Variants in LSS observed in about 807,000 individuals in gnomAD.
LSS encodes the protein 2,3-epoxysqualene-lanosterol cyclase.
A neutral mutation model predicts 110.3 loss-of-function variants in LSS; 90 were observed. The observed-to-expected ratio is 0.82, with a 90% confidence interval of 0.69 to 0.97. LSS has a LOEUF of 0.97. Among genes scored for constraint, LSS ranks in the 50% least tolerant of loss-of-function variants. The pLI, the probability that LSS is intolerant of heterozygous loss-of-function variation, is 0.00. For synonymous variants in LSS, 433 were observed against 400.0 expected, an observed-to-expected ratio of 1.08 and a Z score of -0.98; for missense variants, 927 against 990.0, an observed-to-expected ratio of 0.94 and a Z score of 0.85.
intron 11 of LSS, among the ~76,000 whole-genome samples, chr21:46,212,534 T>C (rs973938787): frequency 6.6e-6 from 1 of 152,202 alleles, no homozygotes; most frequent in Non-Finnish European, 1.5e-5. Flanking sequence ...CCTCTCCTTG[T>C]GCTTGGTGCC....
intron 4 of LSS, 28 bp downstream of exon 4, chr21:46,222,602 G>T (rs1317719129): frequency 1.3e-6 from 2 of 1,581,424 alleles, no homozygotes; most frequent in East Asian, 4.5e-5. Context: ...ATGCACATGT[G>T]CAGTGACACA....
intron 10 of LSS, among the ~76,000 whole-genome samples, chr21:46,213,388 C>T (rs889205877): frequency 6.6e-6 from 1 of 152,224 alleles, no homozygotes; most frequent in African/African-American, 2.4e-5. Flanking sequence ...CACCATGGGA[C>T]GGCTCTCTGC....
At chr21:46,214,585 T>C (rs4239841) in intron 9 of LSS, among the ~76,000 whole-genome samples, 151,993 of 152,272 alleles carry the variant, frequency 1, 75,858 homozygotes, top group Middle Eastern at 1. Flanking sequence ...CGCACAGCTA[T>C]GGCAGCAGCT....
intron 17 of LSS, 137 bp downstream of exon 17, chr21:46,205,699 A>G (rs977264529): frequency 1.1e-5 from 7 of 642,236 alleles, no homozygotes; most frequent in Non-Finnish European, 1.9e-5. Flanking sequence ...GGATTCCACA[A>G]CATCCGAAGC....
chr21:46,188,536 G>C lies in LSS; in HGVS notation c.*2568C>G. ...ACAGCTGCCATCTCCTCTTGGTGGT[G>C]TCCTTTGTCAAGAGCATGTCAGGGT... On this transcript the variant is annotated 3_prime_UTR_variant, in exon 22 of 22. Transcript: ENST00000397728. 2.3e-6 allele frequency: 1 copy of C among 432,606 alleles called. No homozygotes were observed. Among genetic ancestry groups the C allele is most frequent in the Admixed American group, 2.7e-5 (1 of 36,882 alleles). The allele number at this position is 432,606 out of a possible 1,614,324, so 26.8% of individuals were successfully genotyped here. A position where few individuals can be genotyped will look rare whatever the true frequency, so the allele number is the denominator to read the frequency against.
chr21:46,221,954 G>T lies in LSS; in HGVS notation c.450C>A (p.Thr150=). Residue 150 remains threonine, a synonymous_variant, in exon 5 of 22, where the codon ACC becomes ACA. Transcript: ENST00000397728. Reference sequence around the variant, plus strand: ...CATAGTTGAGCGCAGTCCCAAACACGGTGGACTTATCCTCAATGTGCCTAC... The same window carrying T: ...CATAGTTGAGCGCAGTCCCAAACACTGTGGACTTATCCTCAATGTGCCTAC... ...GWGLHIEDKS[T]VFGTALNYVS... is the part of the protein sequence containing the mutation. 1 of 1,614,140 alleles carries T rather than the reference G, an allele frequency of 6.2e-7. No individual in the cohort carries two copies. The highest frequency in any genetic ancestry group is 8.5e-7 in the Non-Finnish European group (1 of 1,180,016).
Position 46,209,513 on chromosome 21 carries a change from C to A in LSS, c.1266+41G>T. ...CCTGCAGGAGCTCCCAGCCCTGATC[C>A]CCCTCTTCAGCCCCCTCAGAGCCCC... On this transcript the variant is annotated intron_variant, in intron 13 of 21. Transcript: ENST00000397728. This position sits in a 1 kb window ranked among gnomAD's most constrained non-coding sequence, Gnocchi z 4.4. 1 of 1,556,402 alleles carries A rather than the reference C, an allele frequency of 6.4e-7. No homozygotes were observed. Among genetic ancestry groups the A allele is most frequent in the East Asian group, 2.3e-5 (1 of 42,772 alleles).
chr21:46,208,491 CCA>C (rs1360239766), intron 13 of LSS, among the ~76,000 whole-genome samples, 190 bp from the exon 14 acceptor site: 1 of 152,250 alleles, frequency 6.6e-6, no homozygotes, highest in East Asian at 1.9e-4. Context: ...AGCTCACCAC[CCA>C]CAGCTGCTGG....
intron 17 of LSS, among the ~76,000 whole-genome samples, chr21:46,201,062 G>A (rs28459212): frequency 0.047 from 6,836 of 144,940 alleles, 247 homozygotes; most frequent in African/African-American, 0.17. Flanking sequence ...AGCCCTGAGG[G>A]TAGAGCCTGG....
In LSS at chr21:46,209,516, C is replaced by T. The variant is rs185886485; in HGVS notation, c.1266+38G>A. ...GCAGGAGCTCCCAGCCCTGATCCCCCTCTTCAGCCCCCTCAGAGCCCCAGG... is the reference window on the plus strand; with the variant it reads ...GCAGGAGCTCCCAGCCCTGATCCCCTTCTTCAGCCCCCTCAGAGCCCCAGG... On this transcript the variant is annotated intron_variant, in intron 13 of 21. Coordinates refer to ENST00000397728, the MANE Select transcript of LSS (RefSeq NM_002340.6). The surrounding 1 kb of genome is among the most constrained non-coding windows in gnomAD (Gnocchi z 4.4). 1.0e-4 allele frequency: 156 copies of T among 1,565,174 alleles called. No individual in the cohort carries two copies. In the East Asian group the frequency reaches 3.4e-3, roughly 35 times the overall value.
At position 46,228,451 on chromosome 21, in the gene LSS, C is replaced by G. The variant is rs2080384682; in HGVS notation, c.163G>C (p.Ala55Pro). Residue 55 changes from alanine (A) to proline (P), a missense_variant, in exon 2 of 22, where the codon GCC (alanine) becomes CCC (proline). Ala to Pro is a conservative substitution (Grantham distance 27, BLOSUM62 -1). Transcript: ENST00000397728. ...CAACTTACGGTGTCCAGCCCCAGGG[C>G]GTAGGCTTCCAGGCCGGTCTGCTCG... ...GREQTGLEAYALGLDTKNYFK... is the reference protein window; with the variant it reads ...GREQTGLEAYPLGLDTKNYFK... The G allele has an allele frequency of 6.2e-7, 1 of 1,603,268 alleles. No individual in the cohort carries two copies. Among genetic ancestry groups the G allele is most frequent in the African/African-American group, 1.3e-5 (1 of 74,864 alleles).
rs2080193238 is a variant in LSS at position 46,215,573 on chromosome 21, G to C, written c.892+112C>G. ...GATGAGATCCCGCCCCCTGGGGCCTGGCACAGAGGAGGTGGCCCAGTGCCG... is the reference window on the plus strand; with the variant it reads ...GATGAGATCCCGCCCCCTGGGGCCTCGCACAGAGGAGGTGGCCCAGTGCCG... On this transcript the variant is annotated intron_variant, in intron 8 of 21. Coordinates refer to ENST00000397728, the MANE Select transcript of LSS (RefSeq NM_002340.6). 20 of 741,638 alleles carry C rather than the reference G, an allele frequency of 2.7e-5. No homozygotes were observed. In the South Asian group the frequency reaches 3.7e-4, roughly 14 times the overall value. 45.9% of individuals were successfully genotyped at this position (741,638 alleles called of 1,614,324 possible).
Position 46,215,808 on chromosome 21 carries a change from G to A in LSS, c.784-15C>T. On this transcript the variant is annotated splice_polypyrimidine_tract_variant and intron_variant, in intron 7 of 21. Coordinates refer to ENST00000397728, the MANE Select transcript of LSS (RefSeq NM_002340.6). ...ACATAGAGCTCCTGGTGGGGGCAGT[G>A]TCTGAGCCTTGGGGCCTGGGAGCAC... is the stretch of plus-strand genomic sequence containing the variant. 6.4e-7 allele frequency: 1 copy of A among 1,565,140 alleles called. No homozygotes were observed. The highest frequency in any genetic ancestry group is 1.7e-5 in the Admixed American group (1 of 58,678).
chr21:46,215,910 G>A, intron 7 of LSS, 117 bp from the exon 8 acceptor site: 1 of 664,614 alleles, frequency 1.5e-6, no homozygotes, highest in South Asian at 2.0e-5. Context: ...TCCCTTCCTG[G>A]GTGGGGGTCC....
intron 17 of LSS, among the ~76,000 whole-genome samples, chr21:46,202,612 T>C (rs2079993808): frequency 6.6e-6 from 1 of 151,884 alleles, no homozygotes; most frequent in South Asian, 2.1e-4. Flanking sequence ...TGGCTGGGTG[T>C]GGTGGCTCAC....
Position 46,206,566 on chromosome 21 carries a change from G to GGCCC in LSS, c.1564+102_1564+105dup, listed in dbSNP as rs927901175. The GGCCC allele has an allele frequency of 1.3e-5, 12 of 915,268 alleles. No individual in the cohort carries two copies. In the East Asian group the frequency reaches 2.5e-4, roughly 19 times the overall value. 56.7% of individuals were successfully genotyped at this position (915,268 alleles called of 1,614,324 possible). A position where few individuals can be genotyped will look rare whatever the true frequency, so the allele number is the denominator to read the frequency against. On this transcript the variant is annotated intron_variant, in intron 16 of 21. Coordinates refer to ENST00000397728, the MANE Select transcript of LSS (RefSeq NM_002340.6). ...CCAGACAGATCTGCCGGTGAACCTG[G>GGCCC]GCCCTTGCAGCCTCGGGCAAGGGGG...
At chr21:46,218,510 G>A (rs1451025173) in intron 6 of LSS, among the ~76,000 whole-genome samples, 1 of 151,944 alleles carries the variant, frequency 6.6e-6, no homozygotes, top group Non-Finnish European at 1.5e-5. Context: ...TGTAATCCCA[G>A]CTACTCGGGA....
At chr21:46,226,233 C>T (rs1324666391) in intron 3 of LSS, among the ~76,000 whole-genome samples, 1 of 152,120 alleles carries the variant, frequency 6.6e-6, no homozygotes, top group African/African-American at 2.4e-5. Context: ...CAAGAACAAA[C>T]AACACAGTAA....
rs1280515388 is a variant in LSS, at chr21:46,222,705, G to C, written c.353C>G (p.Pro118Arg). The stretch of plus-strand genomic sequence containing the variant: ...CTCTTCTCTGTATCCGGCTGGCAGA[G>C]GGATGCGTGCCACGTGGCAAGTGAT... ...LLITCHVARI[P>R]LPAGYREEIV... The change falls in exon 4 of 22, where the codon CCT becomes CGT. Residue 118 changes from proline to arginine, a missense_variant. By Grantham distance (103) the Pro-to-Arg change is moderately radical. Coordinates refer to ENST00000397728, the MANE Select transcript of LSS (RefSeq NM_002340.6). The C allele has an allele frequency of 1.2e-6, 2 of 1,613,778 alleles. No individual in the cohort carries two copies. The highest frequency in any genetic ancestry group is 2.7e-5 in the African/African-American group (2 of 74,946).
Sources: allele counts gnomAD v4.1 joint callset (sites outside exome capture counted in the v4.1 genomes callset), GRCh38; gene constraint gnomAD v4.1.1; non-coding constraint Gnocchi (gnomAD v3.1); transcripts MANE v1.5; gene names NCBI Gene and HGNC (gene_info 2026-07-23, HGNC 2026-07-21).